The following PCNX2 variants were observed in gnomAD, a reference collection of about 807,000 sequenced individuals.
The protein encoded by PCNX2 is pecanex 2.
A neutral mutation model predicts 223.8 loss-of-function variants in PCNX2; 168 were observed. That is an observed-to-expected ratio of 0.75 (90% CI 0.66 to 0.85). PCNX2 has a LOEUF of 0.85. PCNX2 is among the 40% of genes least tolerant of loss of function. The pLI is 0.00. For missense variants in PCNX2, 2,507 were observed against 2,675.5 expected (o/e 0.94, Z 1.39); for synonymous variants, 1,006 against 1,052.6 (o/e 0.96, Z 0.86).
At chr1:233,142,739 C>A (rs1677204654) in intron 19 of PCNX2, among the ~76,000 whole-genome samples, 1 of 152,204 alleles carries the variant, frequency 6.6e-6, no homozygotes, top group Non-Finnish European at 1.5e-5. Context: ...TTGTGACCTC[C>A]TGATGGTCAA....
intron 25 of PCNX2, chr1:233,031,787 T>TC (rs1454657901): frequency 2.8e-6 from 1 of 355,448 alleles, no homozygotes; most frequent in Non-Finnish European, 3.6e-6. Flanking sequence ...AAAGCATTCT[T>TC]TTTTTTTTTT....
Position 233,135,167 on chromosome 1 carries a change from A to G in PCNX2, c.3683T>C (p.Ile1228Thr), listed in dbSNP as rs1266069905. Residue 1228 changes from isoleucine to threonine, a missense_variant, in exon 21 of 34, where the codon ATT (isoleucine) becomes ACT (threonine). Transcript: ENST00000258229. ...TGTCCGCAACAGCTTCATGCCAGCA[A>G]TGATCATCAGAAAAATGTCCCAGCT... ...GTHWDIFLMI[I>T]AGMKLLRTSF... is the part of the protein sequence containing the mutation. The G allele has an allele frequency of 1.1e-5, 18 of 1,613,714 alleles. No individual in the cohort carries two copies. The highest frequency in any genetic ancestry group is 1.5e-5 in the Non-Finnish European group (18 of 1,179,804).
chr1:233,029,206 T>C (rs1178422734), intron 25 of PCNX2, among the ~76,000 whole-genome samples: 5 of 152,188 alleles, frequency 3.3e-5, no homozygotes, highest in African/African-American at 1.2e-4. Flanking sequence ...TTTTTAGCCA[T>C]ACCTCTTTTA....
In PCNX2 at chr1:233,139,888, C is replaced by A; in HGVS notation, c.3518-33G>T. 6.3e-7 allele frequency: 1 copy of A among 1,597,338 alleles called. No homozygotes were observed. Among genetic ancestry groups the A allele is most frequent in the Non-Finnish European group, 8.5e-7 (1 of 1,172,502 alleles). ...AAATATAAAAACCACTTAGAACAAC[C>A]ACCGATCAAAGTATTTTTCTTTAAG... is the stretch of plus-strand genomic sequence containing the variant. On this transcript the variant is annotated intron_variant, in intron 19 of 33. Transcript: ENST00000258229. The surrounding 1 kb of genome is among the most constrained non-coding windows in gnomAD (Gnocchi z 4.4).
At chr1:233,026,166 C>T (rs900377500) in intron 25 of PCNX2, among the ~76,000 whole-genome samples, 3 of 152,164 alleles carry the variant, frequency 2.0e-5, no homozygotes, top group South Asian at 4.1e-4. Flanking sequence ...AATAGGGGAT[C>T]GGAGAAGGTC....
chr1:233,029,296 C>A (rs1036900344), intron 25 of PCNX2, among the ~76,000 whole-genome samples: 7 of 151,956 alleles, frequency 4.6e-5, no homozygotes, highest in African/African-American at 1.7e-4. Context: ...CATATGAGTC[C>A]TCCAATGATA....
rs541564256 is a variant in PCNX2 at position 232,983,872 on chromosome 1, C to T, written c.*432G>A. On this transcript the variant is annotated 3_prime_UTR_variant, in exon 34 of 34. Transcript: ENST00000258229. ...ATGGTAACAGTAATGTATAAAGTGCCGATGATGTAACATGCAGTTGTCTTA... is the reference window on the plus strand; with the variant it reads ...ATGGTAACAGTAATGTATAAAGTGCTGATGATGTAACATGCAGTTGTCTTA... 1.9e-4 allele frequency: 30 copies of T among 154,612 alleles called. No individual in the cohort carries two copies. The South Asian group carries it at 3.9e-3, about 20-fold the overall frequency. 9.6% of individuals were successfully genotyped at this position (154,612 alleles called of 1,614,324 possible).
intron 1 of PCNX2, among the ~76,000 whole-genome samples, chr1:233,284,661 A>G (rs1661354226): frequency 6.6e-6 from 1 of 152,172 alleles, no homozygotes. Context: ...ATCCAGCAGA[A>G]CATCTGGCAC....
intron 28 of PCNX2, among the ~76,000 whole-genome samples, chr1:233,003,536 G>A (rs1005700043): frequency 3.3e-5 from 5 of 152,166 alleles, no homozygotes; most frequent in Non-Finnish European, 7.4e-5. Flanking sequence ...AAATACAGAC[G>A]CTTTTACACT....
At chr1:233,318,568 T>TTC in the PCNX2 span, among the ~76,000 whole-genome samples, 545 of 140,456 alleles carry the variant, frequency 3.9e-3, 5 homozygotes, top group African/African-American at 0.013. Context: ...TTTTTCTTTT[T>TTC]TTTTTTTTTT....
the PCNX2 span, among the ~76,000 whole-genome samples, chr1:233,314,003 A>G: frequency 6.6e-6 from 1 of 152,220 alleles, no homozygotes; most frequent in Non-Finnish European, 1.5e-5. Context: ...TCCCATTCGC[A>G]GGAATTTAAC....
chr1:233,325,284 G>A, the PCNX2 span, among the ~76,000 whole-genome samples: 2 of 152,032 alleles, frequency 1.3e-5, no homozygotes, highest in Non-Finnish European at 2.9e-5. Context: ...TCTAACCCTC[G>A]TGAATGACTG....
At chr1:233,260,141 A>C (rs1659971823) in intron 4 of PCNX2, among the ~76,000 whole-genome samples, 1 of 152,186 alleles carries the variant, frequency 6.6e-6, no homozygotes, top group Non-Finnish European at 1.5e-5. Flanking sequence ...TGACTAAGGA[A>C]AAAACAGAAT....
At chr1:233,004,567 A>C (rs1214868212) in intron 28 of PCNX2, among the ~76,000 whole-genome samples, 4 of 152,156 alleles carry the variant, frequency 2.6e-5, no homozygotes. Flanking sequence ...GGCAAGTACA[A>C]GAAACAGCGT....
At position 233,259,324 on chromosome 1, in the gene PCNX2, G is replaced by A. The variant is rs1011372241; in HGVS notation, c.538C>T (p.His180Tyr). Residue 180 changes from histidine to tyrosine, a missense_variant, in exon 5 of 34, where the codon CAT becomes TAT. By Grantham distance (83) the His-to-Tyr change is moderately conservative. Transcript: ENST00000258229. ...DLKGVILLED[H>Y]PIAPVSSTSP... is the part of the protein sequence containing the mutation. ...GTAGATGACACTGGTGCTATGGGAT[G>A]GTCTTCTAATAGAATGACACCTGAA... is the stretch of plus-strand genomic sequence containing the variant. The A allele has an allele frequency of 4.3e-6, 7 of 1,612,200 alleles. No homozygotes were observed. Among genetic ancestry groups the A allele is most frequent in the Middle Eastern group, 3.3e-4 (2 of 6,066 alleles).
rs1669715266 is a variant in PCNX2 at position 232,991,954 on chromosome 1, G to T, written c.5792-5414C>A. On this transcript the variant is annotated intron_variant, in intron 32 of 33. Coordinates refer to ENST00000258229, the MANE Select transcript of PCNX2 (RefSeq NM_014801.4). This position sits in a 1 kb window ranked among gnomAD's most constrained non-coding sequence, Gnocchi z 4.3. ...GAGCTGAAGCCATCATTCAACAGAA[G>T]AACAACGTGAACTGATTTAAGTTTA... Among the ~76,000 whole-genome samples, 1 of 152,180 alleles carries T rather than the reference G, an allele frequency of 6.6e-6. No individual in the cohort carries two copies. Among genetic ancestry groups the T allele is most frequent in the African/African-American group, 2.4e-5 (1 of 41,450 alleles).
chr1:233,175,935 T>C (rs1463636657), intron 17 of PCNX2, among the ~76,000 whole-genome samples: 1 of 152,148 alleles, frequency 6.6e-6, no homozygotes, highest in African/African-American at 2.4e-5. Context: ...TGGCTGTGAG[T>C]CCTGTACGTC....
At chr1:233,052,639 AC>A (rs1368143389) in intron 25 of PCNX2, among the ~76,000 whole-genome samples, 1 of 152,064 alleles carries the variant, frequency 6.6e-6, no homozygotes, top group Non-Finnish European at 1.5e-5. Flanking sequence ...CTCCTTCCAT[AC>A]CTGTCTTCTC....
At chr1:233,240,931 C>T (rs541093172) in intron 8 of PCNX2, among the ~76,000 whole-genome samples, 6 of 152,314 alleles carry the variant, frequency 3.9e-5, no homozygotes, top group African/African-American at 1.4e-4. Flanking sequence ...TGAAATTCTT[C>T]ATCTTCCCCA....
Sources: gnomAD v4.1 joint callset for allele counts (sites outside exome capture counted in the v4.1 genomes callset) on GRCh38, gnomAD v4.1.1 for gene constraint, Gnocchi (gnomAD v3.1) non-coding constraint, MANE v1.5 for transcripts, NCBI Gene and HGNC (gene_info 2026-07-23, HGNC 2026-07-21) for gene names.